The following WWTR1 variants were observed in gnomAD, a reference collection of about 807,000 sequenced individuals.
WWTR1 encodes WW domain containing transcription regulator 1.
WWTR1 carries 13 observed loss-of-function variants against 40.1 expected under a neutral mutation model. That is an observed-to-expected ratio of 0.32 (90% CI 0.21 to 0.52). WWTR1 has a LOEUF of 0.52. Among genes scored for constraint, WWTR1 ranks in the 20% least tolerant of loss-of-function variants. The pLI, the probability that WWTR1 is intolerant of heterozygous loss-of-function variation, is 0.97. For missense variants in WWTR1, 436 were observed against 523.1 expected (o/e 0.83, Z 1.63); for synonymous variants, 230 against 210.1 (o/e 1.09, Z -0.82).
intron 2 of WWTR1, among the ~76,000 whole-genome samples, chr3:149,637,511 A>C (rs745420071): frequency 6.6e-6 from 1 of 152,088 alleles, no homozygotes; most frequent in Non-Finnish European, 1.5e-5. Flanking sequence ...GATTATCAGC[A>C]TGAGCCACCG....
intron 6 of WWTR1, among the ~76,000 whole-genome samples, chr3:149,522,873 C>T (rs1484424758): frequency 6.6e-6 from 1 of 151,708 alleles, no homozygotes. Context: ...CCTGTCTCTA[C>T]TAAAAATACA....
intron 1 of WWTR1, among the ~76,000 whole-genome samples, chr3:149,672,198 C>T (rs1467356952): frequency 6.6e-6 from 1 of 152,114 alleles, no homozygotes; most frequent in Non-Finnish European, 1.5e-5. Context: ...TTTATGTGGC[C>T]GCAAAGCCCA....
intron 3 of WWTR1, among the ~76,000 whole-genome samples, chr3:149,560,795 T>A (rs1459917385): frequency 2.0e-5 from 3 of 152,202 alleles, no homozygotes; most frequent in Admixed American, 6.5e-5. Flanking sequence ...GCATGACATG[T>A]ACTGGGAAGC....
chr3:149,582,444 G>C (rs1254611726), intron 2 of WWTR1, among the ~76,000 whole-genome samples: 1 of 151,820 alleles, frequency 6.6e-6, no homozygotes, highest in African/African-American at 2.4e-5. Flanking sequence ...AAAATGTATA[G>C]TCCAGACACA....
intron 2 of WWTR1, among the ~76,000 whole-genome samples, chr3:149,593,826 T>A (rs1738847987): frequency 6.6e-6 from 1 of 152,268 alleles, no homozygotes; most frequent in South Asian, 2.1e-4. Flanking sequence ...TTAAAATGTC[T>A]TTGAAGGTGG....
intron 3 of WWTR1, among the ~76,000 whole-genome samples, chr3:149,565,373 G>A (rs1324310605): frequency 6.6e-6 from 1 of 150,536 alleles, no homozygotes; most frequent in Non-Finnish European, 1.5e-5. Context: ...TCTTATCAAA[G>A]AAGAAATTTT....
chr3:149,578,003 T>G (rs1339401909), intron 2 of WWTR1, among the ~76,000 whole-genome samples: 8 of 129,222 alleles, frequency 6.2e-5, no homozygotes, highest in African/African-American at 2.0e-4. Context: ...CCCTTCCTCC[T>G]TCCCTCCCCC....
At chr3:149,649,408 A>C (rs746536360) in intron 2 of WWTR1, among the ~76,000 whole-genome samples, 8 of 152,238 alleles carry the variant, frequency 5.3e-5, no homozygotes, top group Non-Finnish European at 1.2e-4. Context: ...CCCGAACAAT[A>C]ACAGGAATGA....
chr3:149,522,493 A>G (rs905315008), intron 6 of WWTR1, among the ~76,000 whole-genome samples: 1 of 152,212 alleles, frequency 6.6e-6, no homozygotes, highest in African/African-American at 2.4e-5. Context: ...TGACCTCAAT[A>G]TAGTGTTACT....
At chr3:149,571,600 C>T (rs1408277681) in intron 3 of WWTR1, among the ~76,000 whole-genome samples, 1 of 152,206 alleles carries the variant, frequency 6.6e-6, no homozygotes, top group Non-Finnish European at 1.5e-5. Context: ...TAGGTTCAGA[C>T]TTCCTGGAAG....
chr3:149,635,388 T>G (rs930429469), intron 2 of WWTR1, among the ~76,000 whole-genome samples: 4 of 152,124 alleles, frequency 2.6e-5, no homozygotes, highest in Admixed American at 6.5e-5. Flanking sequence ...GTAAATAAAC[T>G]GTGTATAGCC....
chr3:149,665,310 C>T (rs1576631780), intron 2 of WWTR1, among the ~76,000 whole-genome samples: 1 of 149,818 alleles, frequency 6.7e-6, no homozygotes, highest in East Asian at 2.0e-4. Flanking sequence ...ACTGCAAACT[C>T]CGCCTCCCGG....
At chr3:149,585,489 A>C (rs1375725009) in intron 2 of WWTR1, among the ~76,000 whole-genome samples, 1 of 152,208 alleles carries the variant, frequency 6.6e-6, no homozygotes, top group Non-Finnish European at 1.5e-5. Flanking sequence ...CTCAGAGACA[A>C]AAATATTCTT....
At chr3:149,575,096 C>CA (rs1737825139) in intron 2 of WWTR1, among the ~76,000 whole-genome samples, 1 of 148,976 alleles carries the variant, frequency 6.7e-6, no homozygotes, top group Non-Finnish European at 1.5e-5. Context: ...TCCATCCCCC[C>CA]CAAAAAAAAA....
chr3:149,673,611 A>AT (rs897001597), intron 1 of WWTR1, among the ~76,000 whole-genome samples: 3 of 152,134 alleles, frequency 2.0e-5, no homozygotes, highest in African/African-American at 7.2e-5. Context: ...GCTCAGAGAC[A>AT]TTTTTTCCAG....
intron 2 of WWTR1, among the ~76,000 whole-genome samples, chr3:149,599,374 G>A (rs1739143393): frequency 6.6e-6 from 1 of 152,220 alleles, no homozygotes; most frequent in Admixed American, 6.5e-5. Context: ...GGTTGTCAAG[G>A]GCTGTGTCCA....
At chr3:149,655,681 A>T (rs1713170033) in intron 2 of WWTR1, among the ~76,000 whole-genome samples, 2 of 152,244 alleles carry the variant, frequency 1.3e-5, no homozygotes, top group African/African-American at 2.4e-5. Flanking sequence ...AACAGCCTTG[A>T]GATGGGGAAG....
At chr3:149,706,461 G>A (rs959970689), upstream of WWTR1, among the ~76,000 whole-genome samples, 28 of 151,606 alleles carry the variant, frequency 1.8e-4, no homozygotes, top group Admixed American at 8.7e-4. Context: ...TGGGATTATA[G>A]GCATGCACCA....
intron 6 of WWTR1, among the ~76,000 whole-genome samples, chr3:149,524,679 G>A (rs565768991): frequency 4.6e-5 from 7 of 152,226 alleles, no homozygotes; most frequent in Non-Finnish European, 7.4e-5. Flanking sequence ...CACGAAAGAC[G>A]CCAGGGGAGC....
Sources: allele counts gnomAD v4.1 joint callset (sites outside exome capture counted in the v4.1 genomes callset), GRCh38; gene constraint gnomAD v4.1.1; transcripts MANE v1.5; gene names NCBI Gene and HGNC (gene_info 2026-07-23, HGNC 2026-07-21).